The following SETD4 variants were observed in gnomAD, a reference collection of about 807,000 sequenced individuals.
SETD4 encodes SET domain-containing protein 4.
Under a neutral mutation model 58.3 loss-of-function variants are expected in SETD4, and 46 were observed. That is an observed-to-expected ratio of 0.79 (90% CI 0.62 to 1.01). The LOEUF is 1.01. Ranked by LOEUF, SETD4 falls within the 50% of genes least tolerant of loss-of-function variation. The pLI is 0.00. For missense variants in SETD4, 490 were observed against 523.3 expected (o/e 0.94, Z 0.62); for synonymous variants, 190 against 202.6 (o/e 0.94, Z 0.53).
chr21:36,048,157 G>T, intron 5 of SETD4, 151 bp downstream of exon 5: 1 of 693,364 alleles, frequency 1.4e-6, no homozygotes, highest in Non-Finnish European at 2.5e-6. Context: ...AAACTTTCTA[G>T]AATGGAGTAA....
intron 4 of SETD4, chr21:36,050,218 T>C: frequency 2.5e-6 from 3 of 1,219,554 alleles, no homozygotes; most frequent in Admixed American, 1.7e-5. Flanking sequence ...CTGATCAAGA[T>C]CTGTAGTTAC....
At chr21:36,038,101 C>G (rs756886347) in intron 10 of SETD4, 49 bp downstream of exon 10, 3 of 1,581,130 alleles carry the variant, frequency 1.9e-6, no homozygotes, top group South Asian at 2.4e-5. Context: ...AAACAAGGAA[C>G]TGCTGAATCA....
At chr21:36,050,432 A>T in intron 4 of SETD4, 1 of 1,614,120 alleles carries the variant, frequency 6.2e-7, no homozygotes, top group Non-Finnish European at 8.5e-7. Context: ...CCTACCCACA[A>T]GTGGTGGTAG....
chr21:36,038,747 G>A (rs1212856346), intron 9 of SETD4, among the ~76,000 whole-genome samples: 1 of 152,150 alleles, frequency 6.6e-6, no homozygotes, highest in Non-Finnish European at 1.5e-5. Context: ...TCTGGAAGGA[G>A]GAATCTACAG....
At chr21:36,041,216 G>A (rs2064041969) in intron 8 of SETD4, among the ~76,000 whole-genome samples, 1 of 150,752 alleles carries the variant, frequency 6.6e-6, no homozygotes, top group Non-Finnish European at 1.5e-5. Flanking sequence ...TGAGGGGCCG[G>A]AGGCAGGGCC....
At chr21:36,047,199 G>A (rs2064371019) in intron 5 of SETD4, among the ~76,000 whole-genome samples, 1 of 152,088 alleles carries the variant, frequency 6.6e-6, no homozygotes, top group African/African-American at 2.4e-5. Context: ...AGGTTGCAGG[G>A]AGCCAAGATC....
chr21:36,053,039 C>G (rs564436167), intron 4 of SETD4: 1 of 153,380 alleles, frequency 6.5e-6, no homozygotes, highest in African/African-American at 2.4e-5. Context: ...CTTCTCTCCC[C>G]CTCCTCGCTA....
intron 4 of SETD4, chr21:36,050,885 T>C (rs982731596): frequency 3.1e-6 from 5 of 1,610,882 alleles, no homozygotes; most frequent in African/African-American, 1.3e-5. Context: ...GTTCAACAGA[T>C]GGGAGAATGC....
chr21:36,056,467 T>C (rs1405486846), intron 3 of SETD4, among the ~76,000 whole-genome samples: 1 of 152,182 alleles, frequency 6.6e-6, no homozygotes. Flanking sequence ...TGCCCACCTG[T>C]GGGAAGAGTG....
chr21:36,052,634 C>T (rs1379634214), intron 4 of SETD4, among the ~76,000 whole-genome samples: 3 of 149,364 alleles, frequency 2.0e-5, no homozygotes, highest in African/African-American at 7.4e-5. Context: ...CATATGTACA[C>T]ATCTGAGTGC....
intron 10 of SETD4, 67 bp from the exon 11 acceptor site, chr21:36,036,318 T>G: frequency 3.6e-6 from 5 of 1,387,468 alleles, no homozygotes; most frequent in Non-Finnish European, 3.9e-6. Context: ...AGAACGTACG[T>G]ACCTTTTTAA....
chr21:36,044,068 C>A, intron 6 of SETD4, 112 bp from the exon 7 acceptor site: 1 of 1,264,094 alleles, frequency 7.9e-7, no homozygotes, highest in South Asian at 1.5e-5. Flanking sequence ...AAACACCCAT[C>A]AATAAATGTA....
chr21:36,042,426 T>C (rs1332563805), intron 7 of SETD4: 1 of 152,234 alleles, frequency 6.6e-6, no homozygotes, highest in Non-Finnish European at 1.5e-5. Context: ...TTTGCTCAAA[T>C]TAATTTATTC....
At chr21:36,036,845 C>A (rs559042321) in intron 10 of SETD4, among the ~76,000 whole-genome samples, 12 of 152,114 alleles carry the variant, frequency 7.9e-5, no homozygotes, top group Non-Finnish European at 1.5e-4. Context: ...TACATTCAGC[C>A]TTATAAAAAA....
intron 1 of SETD4, 78 bp from the exon 2 acceptor site, chr21:36,059,002 C>G (rs1455572112): frequency 2.8e-6 from 4 of 1,409,570 alleles, no homozygotes; most frequent in Non-Finnish European, 3.8e-6. Flanking sequence ...CTTTGATTTA[C>G]TTTCCAGTTA....
intron 4 of SETD4, chr21:36,052,800 A>C (rs1469827922): frequency 6.6e-6 from 1 of 152,216 alleles, no homozygotes; most frequent in Non-Finnish European, 1.5e-5. Context: ...CTCATTTTGT[A>C]GGTGAGGAAA....
At chr21:36,050,210 G>A in intron 4 of SETD4, 1 of 1,196,888 alleles carries the variant, frequency 8.4e-7, no homozygotes, top group Admixed American at 1.7e-5. Context: ...AGCACAAGCT[G>A]ATCAAGATCT....
intron 4 of SETD4, among the ~76,000 whole-genome samples, chr21:36,052,570 A>C (rs1301486317): frequency 6.6e-6 from 1 of 151,622 alleles, no homozygotes; most frequent in Non-Finnish European, 1.5e-5. Context: ...AAAAAAAAAA[A>C]AAAAAGGACG....
At chr21:36,038,322 C>CA in intron 9 of SETD4, 49 bp from the exon 10 acceptor site, 1 of 1,597,918 alleles carries the variant, frequency 6.3e-7, no homozygotes, top group Non-Finnish European at 8.5e-7. Context: ...TCTCAAAAAA[C>CA]AGATTTTTTT....
Sources: allele counts gnomAD v4.1 joint callset (sites outside exome capture counted in the v4.1 genomes callset), GRCh38; gene constraint gnomAD v4.1.1; transcripts MANE v1.5; gene names NCBI Gene and HGNC (gene_info 2026-07-23, HGNC 2026-07-21).